Variants in USH2A observed in about 807,000 individuals in gnomAD.
USH2A encodes usherin.
A neutral mutation model predicts 538.9 loss-of-function variants in USH2A; 443 were observed. The ratio of observed to expected loss-of-function variants is 0.82; its 90% confidence interval spans 0.76 to 0.89. USH2A has a LOEUF of 0.89. Among genes scored for constraint, USH2A ranks in the 40% least tolerant of loss-of-function variants. The pLI, the probability that USH2A is intolerant of heterozygous loss-of-function variation, is 0.00. For synonymous variants in USH2A, 2,413 were observed against 2,273.5 expected (o/e 1.06, Z -1.75); for missense variants, 6,633 against 6,324.8 (o/e 1.05, Z -1.65).
intron 43 of USH2A, among the ~76,000 whole-genome samples, chr1:215,870,187 C>T (rs1450566290): frequency 6.6e-6 from 1 of 152,056 alleles, no homozygotes; most frequent in African/African-American, 2.4e-5. Context: ...ATTGAGAAAT[C>T]AGTAGATATT....
At chr1:215,829,622 A>G (rs1307692122) in intron 47 of USH2A, among the ~76,000 whole-genome samples, 1 of 152,212 alleles carries the variant, frequency 6.6e-6, no homozygotes, top group Non-Finnish European at 1.5e-5. Flanking sequence ...AACATAACTA[A>G]CAAGTATACA....
chr1:216,290,500 A>G (rs1403863971), intron 10 of USH2A, among the ~76,000 whole-genome samples: 1 of 152,170 alleles, frequency 6.6e-6, no homozygotes, highest in Non-Finnish European at 1.5e-5. Flanking sequence ...AATACACAAT[A>G]CCCATTGCAT....
chr1:215,726,826 C>G (rs1178381514), intron 61 of USH2A, among the ~76,000 whole-genome samples: 1 of 152,178 alleles, frequency 6.6e-6, no homozygotes, highest in African/African-American at 2.4e-5. Flanking sequence ...ATGTTACTCT[C>G]TCTTGTACTG....
At chr1:216,359,134 G>T (rs1418423977) in intron 4 of USH2A, among the ~76,000 whole-genome samples, 1 of 151,964 alleles carries the variant, frequency 6.6e-6, no homozygotes, top group African/African-American at 2.4e-5. Flanking sequence ...AAATATATAA[G>T]TTCCTTAAAA....
At chr1:216,055,351 T>C (rs1342748476) in intron 30 of USH2A, among the ~76,000 whole-genome samples, 1 of 152,176 alleles carries the variant, frequency 6.6e-6, no homozygotes, top group Non-Finnish European at 1.5e-5. Flanking sequence ...TACTGCTACC[T>C]GGAGACATAA....
intron 41 of USH2A, among the ~76,000 whole-genome samples, chr1:215,887,293 A>G (rs1410055497): frequency 6.6e-6 from 1 of 152,138 alleles, no homozygotes; most frequent in African/African-American, 2.4e-5. Context: ...TTGTTGCATC[A>G]TAGTGATTGG....
chr1:215,712,830 G>A (rs971096828), intron 61 of USH2A, among the ~76,000 whole-genome samples: 32 of 136,380 alleles, frequency 2.3e-4, no homozygotes, highest in African/African-American at 8.9e-4. Context: ...ATTTTTTTTT[G>A]GAGTCTTGCT....
chr1:216,131,550 C>A (rs192845952), intron 21 of USH2A, among the ~76,000 whole-genome samples: 1 of 152,090 alleles, frequency 6.6e-6, no homozygotes, highest in East Asian at 1.9e-4. Context: ...AAACTATATT[C>A]TTTCTGAAGT....
intron 25 of USH2A, among the ~76,000 whole-genome samples, chr1:216,084,315 A>T (rs2032050915): frequency 6.6e-6 from 1 of 152,128 alleles, no homozygotes; most frequent in Non-Finnish European, 1.5e-5. Context: ...ATATAATGAG[A>T]TAAATAGGCA....
intron 20 of USH2A, among the ~76,000 whole-genome samples, chr1:216,176,885 T>C (rs1311129348): frequency 6.6e-6 from 1 of 152,214 alleles, no homozygotes; most frequent in African/African-American, 2.4e-5. Context: ...GCTCATTTAA[T>C]GCTAAATAAT....
intron 32 of USH2A, among the ~76,000 whole-genome samples, chr1:216,025,203 T>C (rs1668934397): frequency 1.3e-5 from 2 of 151,822 alleles, no homozygotes; most frequent in Non-Finnish European, 3.0e-5. Context: ...AGAGTATTAA[T>C]AAAATATAAA....
At chr1:216,165,956 A>C (rs745575703) in intron 21 of USH2A, among the ~76,000 whole-genome samples, 2 of 151,704 alleles carry the variant, frequency 1.3e-5, no homozygotes, top group Non-Finnish European at 2.9e-5. Context: ...TTTATCCCTC[A>C]CCCCATCCCA....
At chr1:215,787,517 T>C (rs1202957307) in intron 51 of USH2A, among the ~76,000 whole-genome samples, 2 of 152,202 alleles carry the variant, frequency 1.3e-5, no homozygotes, top group Admixed American at 1.3e-4. Flanking sequence ...TTTTGATAAG[T>C]ACCACTTTGT....
At chr1:216,291,120 T>C (rs2036992038) in intron 10 of USH2A, among the ~76,000 whole-genome samples, 1 of 148,954 alleles carries the variant, frequency 6.7e-6, no homozygotes, top group African/African-American at 2.4e-5. Context: ...CTTTCCCATA[T>C]AAAACCCTTA....
chr1:216,414,785 G>A (rs2039549788), intron 3 of USH2A, among the ~76,000 whole-genome samples: 1 of 151,942 alleles, frequency 6.6e-6, no homozygotes, highest in Admixed American at 6.6e-5. Flanking sequence ...TTGGAAGATG[G>A]GTGAAAATCC....
intron 32 of USH2A, among the ~76,000 whole-genome samples, chr1:216,012,569 C>T (rs1668601694): frequency 1.3e-5 from 2 of 152,248 alleles, no homozygotes; most frequent in African/African-American, 4.8e-5. Flanking sequence ...TGATAACAGA[C>T]CAGCCTTTAT....
intron 4 of USH2A, among the ~76,000 whole-genome samples, chr1:216,337,519 A>C (rs1484271594): frequency 2.0e-5 from 3 of 151,462 alleles, no homozygotes; most frequent in African/African-American, 7.2e-5. Context: ...AAAACCCTAA[A>C]CAATTAGGAA....
At chr1:215,972,598 T>C (rs945445796) in intron 35 of USH2A, among the ~76,000 whole-genome samples, 3 of 152,178 alleles carry the variant, frequency 2.0e-5, no homozygotes, top group African/African-American at 7.2e-5. Context: ...TCTAGGACAA[T>C]ACATTCATTT....
Position 215,907,283 on chromosome 1 carries a change from C to T in USH2A, c.7301-6378G>A, listed in dbSNP as rs117203632. Among the ~76,000 whole-genome samples, 6 of 152,126 alleles carry T rather than the reference C, an allele frequency of 3.9e-5. No individual in the cohort carries two copies. In the East Asian group the frequency reaches 9.8e-4, roughly 25 times the overall value. On this transcript the variant is annotated intron_variant, in intron 38 of 71. Coordinates refer to ENST00000307340, the MANE Select transcript of USH2A (RefSeq NM_206933.4). ...CATATGGTTGGTCATGCTAACAACA[C>T]TGAACTCCTTAGAACCTTACCTCTA...
Sources: allele counts gnomAD v4.1 joint callset (sites outside exome capture counted in the v4.1 genomes callset), GRCh38; gene constraint gnomAD v4.1.1; transcripts MANE v1.5; gene names NCBI Gene and HGNC (gene_info 2026-07-23, HGNC 2026-07-21).